The following MYO16 variants were observed in gnomAD, a reference collection of about 807,000 sequenced individuals.
MYO16 encodes unconventional myosin-XVI.
Under a neutral mutation model 205.3 loss-of-function variants are expected in MYO16, and 94 were observed. The ratio of observed to expected loss-of-function variants is 0.46; its 90% confidence interval spans 0.39 to 0.54. The LOEUF is 0.54. MYO16 is among the 20% of genes least tolerant of loss of function. MYO16 has a pLI of 0.00. For synonymous variants in MYO16, 988 were observed against 954.0 expected (o/e 1.04, Z -0.66); for missense variants, 2,315 against 2,387.5 (o/e 0.97, Z 0.63).
the MYO16 span, among the ~76,000 whole-genome samples, chr13:108,495,789 G>C: frequency 6.6e-6 from 1 of 151,320 alleles, no homozygotes; most frequent in East Asian, 1.9e-4. Flanking sequence ...GCCTGGCTGC[G>C]CGCAACCGCG....
chr13:108,886,599 G>C lies in MYO16; in HGVS notation c.1554-1773G>C, dbSNP rs541137533. 8 of 424,558 alleles carry C rather than the reference G, an allele frequency of 1.9e-5. No homozygotes were observed. The East Asian group carries it at 5.7e-4, about 30-fold the overall frequency. The allele number at this position is 424,558 out of a possible 1,614,324, so 26.3% of individuals were successfully genotyped here. ...CAAACTGCTGGCGGCTCCACCCCCC[G>C]TCCTTCCAGTGCGCATGCTGAGGCC... On this transcript the variant is annotated intron_variant, in intron 13 of 34. Transcript: ENST00000457511.
intron 27 of MYO16, among the ~76,000 whole-genome samples, chr13:109,060,886 G>C (rs1358754300): frequency 6.6e-6 from 1 of 152,150 alleles, no homozygotes; most frequent in African/African-American, 2.4e-5. Context: ...TTCCTAGGTG[G>C]CATCTTCTTC....
the MYO16 span, among the ~76,000 whole-genome samples, chr13:108,504,203 C>A: frequency 2.3e-3 from 344 of 152,260 alleles, 3 homozygotes; most frequent in Non-Finnish European, 3.5e-3. Context: ...CTCACTGCAA[C>A]CTTCGCCTCC....
intron 22 of MYO16, among the ~76,000 whole-genome samples, chr13:109,010,007 A>G (rs920942513): frequency 6.6e-6 from 1 of 152,178 alleles, no homozygotes; most frequent in Admixed American, 6.5e-5. Flanking sequence ...GTTCTCTTCC[A>G]CTGCTAACCA....
intron 27 of MYO16, among the ~76,000 whole-genome samples, chr13:109,092,668 CT>C (rs1888658650): frequency 6.6e-6 from 1 of 152,184 alleles, no homozygotes; most frequent in African/African-American, 2.4e-5. Flanking sequence ...AACAAACCCC[CT>C]GACACATGTT....
intron 3 of MYO16, among the ~76,000 whole-genome samples, chr13:108,722,806 C>G (rs1246192172): frequency 6.6e-6 from 1 of 152,126 alleles, no homozygotes; most frequent in Admixed American, 6.6e-5. Context: ...TGTCCTTGTA[C>G]CCAAACCTGA....
chr13:108,557,392 A>G, the MYO16 span, among the ~76,000 whole-genome samples: 1 of 152,184 alleles, frequency 6.6e-6, no homozygotes, highest in South Asian at 2.1e-4. Context: ...ATTAAGTAAT[A>G]CATTTAACAG....
chr13:109,066,086 A>G (rs1330408257), intron 27 of MYO16, among the ~76,000 whole-genome samples: 8 of 152,150 alleles, frequency 5.3e-5, no homozygotes, highest in Non-Finnish European at 1.5e-5. Flanking sequence ...AAGCCTCACT[A>G]TGAAAGGACA....
intron 12 of MYO16, among the ~76,000 whole-genome samples, chr13:108,868,826 A>C (rs1368904544): frequency 6.6e-6 from 1 of 151,606 alleles, no homozygotes; most frequent in Non-Finnish European, 1.5e-5. Flanking sequence ...AGGCTGAGGC[A>C]GGAGAATCGC....
intron 23 of MYO16, among the ~76,000 whole-genome samples, chr13:109,033,955 C>CT (rs1047963919): frequency 4.1e-4 from 63 of 152,254 alleles, no homozygotes; most frequent in African/African-American, 1.5e-3. Context: ...TTCTGCAGTG[C>CT]TTTTAGGGTT....
At chr13:108,543,240 T>A in the MYO16 span, among the ~76,000 whole-genome samples, 2 of 152,196 alleles carry the variant, frequency 1.3e-5, no homozygotes, top group Non-Finnish European at 1.5e-5. Flanking sequence ...AAAGTTTAAT[T>A]GCAATAATTT....
At chr13:108,978,455 A>G (rs1884346355) in intron 20 of MYO16, among the ~76,000 whole-genome samples, 1 of 151,982 alleles carries the variant, frequency 6.6e-6, no homozygotes, top group African/African-American at 2.4e-5. Flanking sequence ...AATATTTTCT[A>G]ATGGTTTTCT....
chr13:108,668,290 C>G (rs1329032116), intron 2 of MYO16, among the ~76,000 whole-genome samples: 1 of 152,104 alleles, frequency 6.6e-6, no homozygotes, highest in Admixed American at 6.6e-5. Context: ...GCAAGCTAGG[C>G]AAGAGATGAT....
chr13:108,596,443 T>A (rs1465065077), intron 1 of MYO16, among the ~76,000 whole-genome samples: 2 of 152,136 alleles, frequency 1.3e-5, no homozygotes, highest in Non-Finnish European at 2.9e-5. Context: ...CCTAATTCAA[T>A]CATTCTCTTT....
chr13:108,685,010 A>G (rs1207267631), intron 2 of MYO16, among the ~76,000 whole-genome samples: 1 of 142,886 alleles, frequency 7.0e-6, no homozygotes, highest in Non-Finnish European at 1.5e-5. Flanking sequence ...GAAGAGGGTC[A>G]TGGGAACCAC....
chr13:108,676,877 TG>T lies in MYO16; in HGVS notation c.292+10729del, dbSNP rs147120441. ...CCAGGAACACCCTTCCTCCATTCCT[TG>T]CAGATGTACCTCTCCTCTCCCCTGC... On this transcript the variant is annotated intron_variant, in intron 2 of 34. Coordinates refer to ENST00000457511, the MANE Select transcript of MYO16 (RefSeq NM_001198950.3). Among the ~76,000 whole-genome samples the T allele has an allele frequency of 1.0e-2, 1,519 of 152,242 alleles. 23 individuals carry two copies. The highest frequency in any genetic ancestry group is 0.033 in the African/African-American group (1,378 of 41,544).
intron 16 of MYO16, among the ~76,000 whole-genome samples, chr13:108,942,935 T>G (rs1210754791): frequency 1.3e-5 from 2 of 152,218 alleles, no homozygotes; most frequent in Non-Finnish European, 2.9e-5. Context: ...ATTTCCAGTC[T>G]AAAATTTAAC....
the MYO16 span, among the ~76,000 whole-genome samples, chr13:108,581,028 GGAA>G: frequency 2.2e-4 from 33 of 152,224 alleles, no homozygotes; most frequent in Non-Finnish European, 3.1e-4. Flanking sequence ...TCTTCTGTAT[GGAA>G]GAAGATGTGA....
At chr13:108,673,421 T>A (rs1282055434) in intron 2 of MYO16, among the ~76,000 whole-genome samples, 1 of 151,362 alleles carries the variant, frequency 6.6e-6, no homozygotes, top group Non-Finnish European at 1.5e-5. Flanking sequence ...ATGCCAAATG[T>A]TTACTAAGGG....
Sources: allele counts gnomAD v4.1 joint callset (sites outside exome capture counted in the v4.1 genomes callset), GRCh38; gene constraint gnomAD v4.1.1; transcripts MANE v1.5; gene names NCBI Gene and HGNC (gene_info 2026-07-23, HGNC 2026-07-21).